Variants in DNAH11 observed in about 807,000 individuals in gnomAD.
DNAH11 encodes axonemal beta dynein heavy chain 11.
Under a neutral mutation model 526.0 loss-of-function variants are expected in DNAH11, and 442 were observed. That is an observed-to-expected ratio of 0.84 (90% CI 0.78 to 0.91). The LOEUF (loss-of-function observed/expected upper bound fraction) is 0.91, where lower values mean the gene tolerates loss of function less well. DNAH11 is among the 40% of genes least tolerant of loss of function. The probability of loss-of-function intolerance (pLI) is 0.00; values close to 1 mark genes in which losing one functional copy is unlikely to be tolerated. For synonymous variants in DNAH11, 2,461 were observed against 1,935.9 expected (o/e 1.27, Z -7.12); for missense variants, 6,989 against 5,448.7 (o/e 1.28, Z -8.90).
intron 45 of DNAH11, among the ~76,000 whole-genome samples, chr7:21,732,255 G>A (rs1562515452): frequency 6.6e-6 from 1 of 152,138 alleles, no homozygotes; most frequent in Non-Finnish European, 1.5e-5. Context: ...CTTTCTCTCT[G>A]CATCCTCACA....
intron 65 of DNAH11, among the ~76,000 whole-genome samples, chr7:21,822,028 A>C (rs1028563533): frequency 6.6e-6 from 1 of 152,086 alleles, no homozygotes; most frequent in African/African-American, 2.4e-5. Flanking sequence ...TGTTGCTGCA[A>C]ATGACAGCTT....
intron 34 of DNAH11, among the ~76,000 whole-genome samples, chr7:21,689,043 A>T (rs1468759723): frequency 6.6e-6 from 1 of 152,130 alleles, no homozygotes; most frequent in Admixed American, 6.5e-5. Flanking sequence ...TTATCAGGAG[A>T]TACATCTGGA....
At chr7:21,657,957 G>A (rs1021540154) in intron 29 of DNAH11, among the ~76,000 whole-genome samples, 2 of 152,104 alleles carry the variant, frequency 1.3e-5, no homozygotes, top group Non-Finnish European at 2.9e-5. Context: ...ATCATCTTCA[G>A]AATCTCATGT....
intron 65 of DNAH11, among the ~76,000 whole-genome samples, chr7:21,825,195 G>A (rs1167605960): frequency 1.3e-5 from 2 of 152,138 alleles, no homozygotes; most frequent in Non-Finnish European, 2.9e-5. Context: ...TCAATGATAT[G>A]ACTGACTATT....
chr7:21,588,738 C>A, intron 11 of DNAH11, 102 bp downstream of exon 11: 3 of 1,354,272 alleles, frequency 2.2e-6, no homozygotes, highest in Non-Finnish European at 2.1e-6. Context: ...GAAGCCATTG[C>A]CCTGTTCACT....
chr7:21,564,195 A>C lies in DNAH11; in HGVS notation c.992A>C (p.Glu331Ala). ...IFLAVENALLEAQDVELYLRP... is the reference protein window; with the variant it reads ...IFLAVENALLAAQDVELYLRP... ...GGTTCTTTGCTTTCAGCTCTTCTCG[A>C]AGCCCAAGATGTGGAACTTTACCTG... The change falls in exon 6 of 82, where the codon GAA becomes GCA. Residue 331 changes from glutamate to alanine, a missense_variant. Transcript: ENST00000409508. The C allele has an allele frequency of 6.4e-7, 1 of 1,574,222 alleles. No homozygotes were observed. The highest frequency in any genetic ancestry group is 2.3e-5 in the East Asian group (1 of 44,296).
chr7:21,769,000 A>T (rs1268049973), intron 55 of DNAH11, among the ~76,000 whole-genome samples: 3 of 152,214 alleles, frequency 2.0e-5, no homozygotes, highest in Non-Finnish European at 2.9e-5. Flanking sequence ...TAATAATTTT[A>T]AAAAAGAAAT....
intron 55 of DNAH11, among the ~76,000 whole-genome samples, chr7:21,772,282 G>T (rs188763331): frequency 6.6e-6 from 1 of 151,402 alleles, no homozygotes; most frequent in East Asian, 1.9e-4. Flanking sequence ...AGCTTTCAGC[G>T]CCTCCAAGGA....
chr7:21,873,091 C>CTT (rs911956193), intron 73 of DNAH11, among the ~76,000 whole-genome samples, 183 bp from the exon 74 acceptor site: 2,523 of 132,968 alleles, frequency 0.019, 62 homozygotes, highest in African/African-American at 0.06. Context: ...TCCCTTTTGG[C>CTT]TTTTTTTTTT....
In DNAH11 at chr7:21,611,314, G is replaced by C. The variant is rs78365864; in HGVS notation, c.3853-3800G>C. On this transcript the variant is annotated intron_variant, in intron 20 of 81. Coordinates refer to ENST00000409508, the MANE Select transcript of DNAH11 (RefSeq NM_001277115.2). ...ATCTGGTTCTTAGGACTTTGGCCCC[G>C]GACTGAGGATTACCCTATCAGCTTT... Among the ~76,000 whole-genome samples, 9 of 152,176 alleles carry C rather than the reference G, an allele frequency of 5.9e-5. No homozygotes were observed. The East Asian group carries it at 1.7e-3, about 29-fold the overall frequency.
chr7:21,609,427 C>G (rs56214809), intron 20 of DNAH11, among the ~76,000 whole-genome samples: 21,005 of 152,080 alleles, frequency 0.14, 1,527 homozygotes, highest in East Asian at 0.2. Context: ...GCCATGTTGG[C>G]CAGACTGTTC....
In DNAH11 at chr7:21,591,212, C is replaced by T. The variant is rs1259741113; in HGVS notation, c.2302C>T (p.Gln768Ter). Residue 768 changes from glutamine to a stop codon, truncating the protein, a stop_gained, in exon 14 of 82, where the codon CAA becomes TAA. Transcript: ENST00000409508. LOFTEE classifies it high-confidence loss of function. ...CATTGGAAATCTTGACCTTCTTGTG[C>T]AAGGGTATAATAAACTCAAACAGAC... is the stretch of plus-strand genomic sequence containing the variant. ...KYIGNLDLLV[Q>*]GYNKLKQTLL... is the part of the protein sequence containing the mutation. The T allele has an allele frequency of 6.4e-7, 1 of 1,554,152 alleles. No individual in the cohort carries two copies. The highest frequency in any genetic ancestry group is 8.7e-7 in the Non-Finnish European group (1 of 1,154,756).
chr7:21,757,096 A>G (rs905806749), intron 54 of DNAH11, among the ~76,000 whole-genome samples: 2 of 152,186 alleles, frequency 1.3e-5, no homozygotes, highest in Non-Finnish European at 2.9e-5. Context: ...TTACCAACCA[A>G]TTCAGTGCAC....
Position 21,570,222 on chromosome 7 carries a change from C to A in DNAH11, c.1348C>A (p.Leu450Met). ...KLASYFMGRK[L>M]RPWDFQSHLV... ...GGCAAGCTACTTTATGGGAAGAAAG[C>A]TGAGACCATGGGATTTCCAGTCTCA... The change falls in exon 7 of 82, where the codon CTG becomes ATG. Residue 450 changes from leucine to methionine, a missense_variant. Transcript: ENST00000409508. The A allele has an allele frequency of 1.2e-6, 2 of 1,613,402 alleles. No homozygotes were observed. Among genetic ancestry groups the A allele is most frequent in the South Asian group, 2.2e-5 (2 of 91,052 alleles).
Position 21,843,493 on chromosome 7 carries a change from T to G in DNAH11, c.10896+745T>G, listed in dbSNP as rs532659417. On this transcript the variant is annotated intron_variant, in intron 66 of 81. Transcript: ENST00000409508. Reference sequence around the variant, plus strand: ...CTCAGGTTTTTTTTGTTTTTTTTTTTTTTTTGAGACAGAGTCTTGCTCTGT... The same window carrying G: ...CTCAGGTTTTTTTTGTTTTTTTTTTGTTTTTGAGACAGAGTCTTGCTCTGT... Among the ~76,000 whole-genome samples, 16 of 150,888 alleles carry G rather than the reference T, an allele frequency of 1.1e-4. No homozygotes were observed. The South Asian group carries it at 3.4e-3, about 32-fold the overall frequency.
At chr7:21,887,941 C>T (rs1036433411) in intron 76 of DNAH11, among the ~76,000 whole-genome samples, 1 of 152,146 alleles carries the variant, frequency 6.6e-6, no homozygotes, top group African/African-American at 2.4e-5. Context: ...CACCATACTG[C>T]CCTGGCTGGA....
chr7:21,620,087 G>C lies in DNAH11; in HGVS notation c.4500+9G>C, dbSNP rs767971631. On this transcript the variant is annotated intron_variant, in intron 25 of 81. Coordinates refer to ENST00000409508, the MANE Select transcript of DNAH11 (RefSeq NM_001277115.2). ...CTCTAGAGCACAACCAAGTAAGATG[G>C]ATATTTTTATTGCATATATTTTTCA... The C allele has an allele frequency of 6.4e-6, 10 of 1,559,776 alleles. No homozygotes were observed. Among genetic ancestry groups the C allele is most frequent in the African/African-American group, 2.8e-5 (2 of 72,122 alleles).
chr7:21,676,561 C>G (rs1782898406), intron 30 of DNAH11, among the ~76,000 whole-genome samples: 1 of 152,094 alleles, frequency 6.6e-6, no homozygotes, highest in East Asian at 1.9e-4. Flanking sequence ...TATAAGATCC[C>G]CAGCATATGA....
At chr7:21,735,171 G>GAACA (rs539599048) in intron 45 of DNAH11, among the ~76,000 whole-genome samples, 5 of 152,152 alleles carry the variant, frequency 3.3e-5, no homozygotes, top group Non-Finnish European at 7.3e-5. Flanking sequence ...CACCGTCTCA[G>GAACA]AACAAACAAA....
Sources: gnomAD v4.1 joint callset for allele counts (sites outside exome capture counted in the v4.1 genomes callset) on GRCh38, gnomAD v4.1.1 for gene constraint, MANE v1.5 for transcripts, NCBI Gene and HGNC (gene_info 2026-07-23, HGNC 2026-07-21) for gene names.